Variants in ZNF440 observed in about 807,000 individuals in gnomAD.
The protein encoded by ZNF440 is zinc finger protein 440.
A neutral mutation model predicts 49.7 loss-of-function variants in ZNF440; 47 were observed. The observed-to-expected ratio is 0.95, with a 90% CI of 0.75 to 1.21. The LOEUF (loss-of-function observed/expected upper bound fraction) is 1.21. ZNF440 is among the 50% of genes most tolerant of loss of function. ZNF440 has a pLI of 0.00. For synonymous variants in ZNF440, 255 were observed against 237.7 expected, an observed-to-expected ratio of 1.07 and a Z score of -0.67; for missense variants, 703 against 715.0, an observed-to-expected ratio of 0.98 and a Z score of 0.19.
intron 1 of ZNF440, among the ~76,000 whole-genome samples, chr19:11,822,158 G>A (rs1035985994): frequency 5.3e-5 from 8 of 152,196 alleles, no homozygotes; most frequent in Non-Finnish European, 1.2e-4. Flanking sequence ...GGGGTGTAAG[G>A]GTCAGTGGTA....
intron 1 of ZNF440, chr19:11,815,825 C>A (rs1975726556): frequency 6.6e-6 from 1 of 152,242 alleles, no homozygotes; most frequent in African/African-American, 2.4e-5. Context: ...ATTGCTTGAA[C>A]CCAGGAGGCG....
intron 1 of ZNF440, among the ~76,000 whole-genome samples, chr19:11,815,550 C>T (rs1975722709): frequency 1.3e-5 from 2 of 152,092 alleles, no homozygotes; most frequent in African/African-American, 2.4e-5. Flanking sequence ...GAGTAGCGGT[C>T]TTTGGGGTCC....
chr19:11,831,403 A>T lies in ZNF440; in HGVS notation c.227A>T (p.Asp76Val). Residue 76 changes from aspartate (D) to valine (V), a missense_variant, in exon 4 of 4, where the codon GAT becomes GTT. Transcript: ENST00000304060. ...GAAGAAAAAGTCAATGAAATTAAAG[A>T]TGACAGTCATTGTGGAGAAACTTTT... ...LIEEKVNEIK[D>V]DSHCGETFTP... 1 of 1,610,826 alleles carries T rather than the reference A, an allele frequency of 6.2e-7. No homozygotes were observed. Among genetic ancestry groups the T allele is most frequent in the Non-Finnish European group, 8.5e-7 (1 of 1,179,230 alleles).
Position 11,832,363 on chromosome 19 carries a change from A to G in ZNF440, c.1187A>G (p.Tyr396Cys), listed in dbSNP as rs1307308675. The change falls in exon 4 of 4, where the codon TAT becomes TGT. Residue 396 changes from tyrosine (Y) to cysteine (C), a missense_variant. Transcript: ENST00000304060. ...AGGACTCACACTGGAGAGAAACCCTATGAGTGTAAGCAATGTGGGAAAGCC... is the reference window on the plus strand; with the variant it reads ...AGGACTCACACTGGAGAGAAACCCTGTGAGTGTAAGCAATGTGGGAAAGCC... ...HERTHTGEKP[Y>C]ECKQCGKAFR... 18 of 1,613,980 alleles carry G rather than the reference A, an allele frequency of 1.1e-5. No homozygotes were observed. The highest frequency in any genetic ancestry group is 6.7e-5 in the East Asian group (3 of 44,870).
At chr19:11,817,640 C>G (rs1975748885) in intron 1 of ZNF440, 1 of 151,560 alleles carries the variant, frequency 6.6e-6, no homozygotes, top group East Asian at 1.9e-4. Context: ...AGTTCAAGAC[C>G]AACGTGGCCA....
chr19:11,820,743 A>T (rs965831001), intron 1 of ZNF440, among the ~76,000 whole-genome samples: 1 of 151,954 alleles, frequency 6.6e-6, no homozygotes, highest in South Asian at 2.1e-4. Context: ...CTCTCTCCCA[A>T]CTCCAGTTTC....
At chr19:11,814,661 A>C (rs1368713565) in intron 1 of ZNF440, among the ~76,000 whole-genome samples, 1 of 152,130 alleles carries the variant, frequency 6.6e-6, no homozygotes, top group Non-Finnish European at 1.5e-5. Context: ...TCCGGAGCCT[A>C]ATCTGGGCAG....
chr19:11,832,161 A>G lies in ZNF440; in HGVS notation c.985A>G (p.Thr329Ala), dbSNP rs201709939. ...ATTATCCTCTCTTACAAGTTTTCAA[A>G]CACACGTAAGATTGCACTCTGGAGA... ...KALSSLTSFQ[T>A]HVRLHSGERP... The change falls in exon 4 of 4, where the codon ACA (threonine) becomes GCA (alanine). Residue 329 changes from threonine (T) to alanine (A), a missense_variant. Thr to Ala is a moderately conservative substitution (Grantham distance 58, BLOSUM62 0). Coordinates refer to ENST00000304060, the MANE Select transcript of ZNF440 (RefSeq NM_152357.3). The G allele has an allele frequency of 2.0e-5, 32 of 1,614,234 alleles. No homozygotes were observed. The highest frequency in any genetic ancestry group is 2.7e-5 in the Non-Finnish European group (32 of 1,180,032).
chr19:11,823,281 A>G (rs937692909), intron 1 of ZNF440, among the ~76,000 whole-genome samples: 1 of 152,120 alleles, frequency 6.6e-6, no homozygotes, highest in East Asian at 1.9e-4. Flanking sequence ...AGAGATGTCA[A>G]CTTCTAATAC....
At chr19:11,818,170 C>G (rs1378965290) in intron 1 of ZNF440, among the ~76,000 whole-genome samples, 1 of 152,116 alleles carries the variant, frequency 6.6e-6, no homozygotes. Context: ...TGCCATTGCA[C>G]TCCAGCCTGG....
At chr19:11,817,207 A>G (rs1483753682) in intron 1 of ZNF440, 2 of 152,222 alleles carry the variant, frequency 1.3e-5, no homozygotes, top group Non-Finnish European at 2.9e-5. Context: ...ATTACTGGGA[A>G]AAGAGGTCCT....
chr19:11,816,576 G>GT (rs1337996341), intron 1 of ZNF440: 1 of 152,162 alleles, frequency 6.6e-6, no homozygotes, highest in South Asian at 2.1e-4. Flanking sequence ...AATTTTCAGG[G>GT]TTTTTTGGGG....
At chr19:11,817,453 CG>C (rs1437743755) in intron 1 of ZNF440, 1 of 151,920 alleles carries the variant, frequency 6.6e-6, no homozygotes, top group African/African-American at 2.4e-5. Context: ...AAAAATTAGC[CG>C]GGTGTGGTGG....
At chr19:11,814,502 G>T in intron 1 of ZNF440, 52 bp downstream of exon 1, 1 of 1,455,170 alleles carries the variant, frequency 6.9e-7, no homozygotes, top group Non-Finnish European at 9.1e-7. Context: ...GCTGGAATCG[G>T]CCGGAACCGG....
chr19:11,824,075 C>G (rs1328824224), intron 1 of ZNF440, among the ~76,000 whole-genome samples: 1 of 150,562 alleles, frequency 6.6e-6, no homozygotes, highest in African/African-American at 2.4e-5. Context: ...CCCAGCTACT[C>G]AGGAGGCTGA....
At chr19:11,830,113 T>A in intron 1 of ZNF440, 170 bp from the exon 2 acceptor site, 1 of 1,374,392 alleles carries the variant, frequency 7.3e-7, no homozygotes. Flanking sequence ...AAAAAACAAG[T>A]TGCTTTGTGG....
intron 1 of ZNF440, among the ~76,000 whole-genome samples, chr19:11,818,075 T>C (rs998444543): frequency 8.5e-5 from 13 of 152,082 alleles, no homozygotes; most frequent in Non-Finnish European, 1.6e-4. Context: ...CATGGTGGCA[T>C]GTGCCTGTGA....
rs779212265 is a variant in ZNF440 at position 11,832,514 on chromosome 19, AAC to A, written c.1344_1345del (p.Ile449LysfsTer10). On this transcript the variant is annotated frameshift_variant, in exon 4 of 4. Transcript: ENST00000304060. LOFTEE classifies it high-confidence loss of function. ...NNLQSHERTQ[T>X]HIRIHSGERR... ...ACCTTCAAAGTCATGAAAGGACACA[AAC>A]ACACATAAGAATACACTCTGGAGAA... The A allele has an allele frequency of 1.2e-6, 2 of 1,613,908 alleles. No individual in the cohort carries two copies. The highest frequency in any genetic ancestry group is 4.5e-5 in the East Asian group (2 of 44,844).
rs111537857 is a variant in ZNF440 at position 11,819,453 on chromosome 19, C to T, written c.3+5003C>T. On this transcript the variant is annotated intron_variant, in intron 1 of 3. Transcript: ENST00000304060. ...TTACTCTGTCACCCAGGCTGGAGCG[C>T]GGTGGCACCATCTGGGCCCACCGCA... is the stretch of plus-strand genomic sequence containing the variant. Among the ~76,000 whole-genome samples, 65 of 152,266 alleles carry T rather than the reference C, an allele frequency of 4.3e-4. 1 individual carries two copies. Among genetic ancestry groups the T allele is most frequent in the African/African-American group, 1.1e-3 (46 of 41,546 alleles).
Sources: gnomAD v4.1 joint callset for allele counts (sites outside exome capture counted in the v4.1 genomes callset) on GRCh38, gnomAD v4.1.1 for gene constraint, MANE v1.5 for transcripts, NCBI Gene and HGNC (gene_info 2026-07-23, HGNC 2026-07-21) for gene names.